Variants in FGGY observed in about 807,000 individuals in gnomAD.
The protein encoded by FGGY is FGGY carbohydrate kinase domain-containing protein.
Under a neutral mutation model 71.3 loss-of-function variants are expected in FGGY, and 72 were observed. The ratio of observed to expected loss-of-function variants is 1.01; its 90% confidence interval spans 0.84 to 1.23. The LOEUF is 1.23. Ranked by LOEUF, FGGY falls within the 50% of genes most tolerant of loss-of-function variation. FGGY has a pLI of 0.00. For missense variants in FGGY, 668 were observed against 682.3 expected (o/e 0.98, Z 0.23); for synonymous variants, 251 against 250.3 (o/e 1.00, Z -0.02).
intron 13 of FGGY, among the ~76,000 whole-genome samples, chr1:59,672,803 GT>G (rs1173465319): frequency 1.3e-5 from 2 of 152,160 alleles, no homozygotes; most frequent in Middle Eastern, 6.3e-3. Context: ...TACACCACAA[GT>G]TTACCTCTGT....
intron 4 of FGGY, among the ~76,000 whole-genome samples, chr1:59,352,069 C>T (rs917110669): frequency 2.0e-5 from 3 of 152,114 alleles, no homozygotes; most frequent in Non-Finnish European, 2.9e-5. Flanking sequence ...AGGAAAAATG[C>T]CATTTGAATT....
chr1:59,336,633 T>C (rs1285626212), intron 2 of FGGY, among the ~76,000 whole-genome samples: 1 of 152,060 alleles, frequency 6.6e-6, no homozygotes, highest in Non-Finnish European at 1.5e-5. Flanking sequence ...TCCAATGCTC[T>C]CCCTCCCCTT....
At chr1:59,376,584 C>A (rs1257184158) in intron 4 of FGGY, among the ~76,000 whole-genome samples, 1 of 152,146 alleles carries the variant, frequency 6.6e-6, no homozygotes, top group Admixed American at 6.5e-5. Flanking sequence ...TGTGGAAGCC[C>A]TTTATAAACT....
In FGGY at chr1:59,685,423, C is replaced by G. The variant is rs112398253; in HGVS notation, c.1512+11290C>G. 1.0e-3 allele frequency among the ~76,000 whole-genome samples: 155 copies of G among 152,080 alleles called. 1 individual carries two copies. Among genetic ancestry groups the G allele is most frequent in the African/African-American group, 3.7e-3 (152 of 41,480 alleles). On this transcript the variant is annotated intron_variant, in intron 14 of 15. Transcript: ENST00000303721. ...CAGAATAATTTATTTGTCATTCATACTCTGCTTCCATAAAGGATTTAAGAA... is the reference window on the plus strand; with the variant it reads ...CAGAATAATTTATTTGTCATTCATAGTCTGCTTCCATAAAGGATTTAAGAA...
chr1:59,425,785 T>C (rs1469290265), intron 5 of FGGY, among the ~76,000 whole-genome samples: 1 of 152,244 alleles, frequency 6.6e-6, no homozygotes, highest in East Asian at 1.9e-4. Flanking sequence ...TTGAATTTAC[T>C]GTTCCCTTTG....
chr1:59,483,221 G>T (rs990841563), intron 6 of FGGY, among the ~76,000 whole-genome samples: 3 of 152,084 alleles, frequency 2.0e-5, no homozygotes, highest in African/African-American at 7.2e-5. Context: ...AAGTTTGTTG[G>T]TTAGCCAGGA....
intron 5 of FGGY, among the ~76,000 whole-genome samples, chr1:59,404,926 G>A (rs989372368): frequency 3.3e-5 from 5 of 152,192 alleles, no homozygotes; most frequent in African/African-American, 4.8e-5. Flanking sequence ...GCTGGGCTGA[G>A]TTCTCTTCAG....
At chr1:59,741,690 A>C (rs1006361562) in intron 14 of FGGY, among the ~76,000 whole-genome samples, 5 of 152,060 alleles carry the variant, frequency 3.3e-5, no homozygotes, top group African/African-American at 4.8e-5. Flanking sequence ...TGGCTGACAC[A>C]CTTTGGGAGG....
At chr1:59,537,121 C>G (rs2095339058) in intron 7 of FGGY, among the ~76,000 whole-genome samples, 2 of 150,756 alleles carry the variant, frequency 1.3e-5, no homozygotes, top group South Asian at 4.3e-4. Context: ...CCAAAATCTC[C>G]TTAAGCTGAT....
chr1:59,668,923 G>A (rs550129317), intron 13 of FGGY, among the ~76,000 whole-genome samples: 195 of 151,130 alleles, frequency 1.3e-3, no homozygotes, highest in African/African-American at 4.6e-3. Context: ...CCTGGGAGGC[G>A]GAGGTTGCAG....
chr1:59,512,241 A>T (rs2094535649), intron 6 of FGGY, 70 bp from the exon 7 acceptor site: 1 of 1,465,894 alleles, frequency 6.8e-7, no homozygotes. Flanking sequence ...AGTTTCTCTT[A>T]AAAAAAACCC....
At chr1:59,507,835 A>C (rs1351331399) in intron 6 of FGGY, among the ~76,000 whole-genome samples, 1 of 151,896 alleles carries the variant, frequency 6.6e-6, no homozygotes, top group Non-Finnish European at 1.5e-5. Flanking sequence ...ACGCCCGGCC[A>C]CATTTATCTT....
At chr1:59,666,224 G>A (rs115551119) in intron 12 of FGGY, among the ~76,000 whole-genome samples, 5,113 of 151,486 alleles carry the variant, frequency 0.034, 162 homozygotes, top group African/African-American at 0.087. Flanking sequence ...TCACTCCCAG[G>A]TCTACACTTA....
At chr1:59,403,898 A>G (rs746091049) in intron 5 of FGGY, among the ~76,000 whole-genome samples, 7 of 152,332 alleles carry the variant, frequency 4.6e-5, no homozygotes, top group Non-Finnish European at 7.3e-5. Flanking sequence ...CTCAGATGAT[A>G]ATAGGACATG....
chr1:59,691,982 G>A (rs1373583728), intron 14 of FGGY, among the ~76,000 whole-genome samples: 1 of 152,080 alleles, frequency 6.6e-6, no homozygotes, highest in Non-Finnish European at 1.5e-5. Context: ...TAGCTGCTTG[G>A]TAAATATGTG....
At chr1:59,562,055 T>A (rs2095800699) in intron 8 of FGGY, among the ~76,000 whole-genome samples, 1 of 152,238 alleles carries the variant, frequency 6.6e-6, no homozygotes, top group Non-Finnish European at 1.5e-5. Flanking sequence ...CTGGTGGGAA[T>A]GTAAAATGAT....
intron 7 of FGGY, among the ~76,000 whole-genome samples, chr1:59,539,275 C>T (rs778161855): frequency 1.3e-5 from 2 of 152,142 alleles, no homozygotes; most frequent in South Asian, 2.1e-4. Flanking sequence ...AATTGGTAGA[C>T]ATCCTAAAAC....
chr1:59,313,408 A>G (rs2044739620), intron 1 of FGGY, among the ~76,000 whole-genome samples: 1 of 152,170 alleles, frequency 6.6e-6, no homozygotes, highest in Non-Finnish European at 1.5e-5. Flanking sequence ...AGCACTTAAT[A>G]TTTGTTTGTT....
chr1:59,530,294 G>A (rs149000892), intron 7 of FGGY, among the ~76,000 whole-genome samples: 1 of 152,284 alleles, frequency 6.6e-6, no homozygotes, highest in East Asian at 1.9e-4. Flanking sequence ...GATAAAATAT[G>A]CTGTAATTTT....
Sources: gnomAD v4.1 joint callset for allele counts (sites outside exome capture counted in the v4.1 genomes callset) on GRCh38, gnomAD v4.1.1 for gene constraint, MANE v1.5 for transcripts, NCBI Gene and HGNC (gene_info 2026-07-23, HGNC 2026-07-21) for gene names.